The following CNTNAP3B variants were observed in gnomAD, a reference collection of about 807,000 sequenced individuals.
The protein encoded by CNTNAP3B is contactin-associated protein-like 3B.
CNTNAP3B carries 25 observed loss-of-function variants against 108.9 expected under a neutral mutation model. The observed-to-expected ratio is 0.23, with a 90% CI of 0.17 to 0.32. The LOEUF (loss-of-function observed/expected upper bound fraction) is 0.32. Among genes scored for constraint, CNTNAP3B ranks in the 10% least tolerant of loss-of-function variants. The pLI, the probability that CNTNAP3B is intolerant of heterozygous loss-of-function variation, is 1.00. For synonymous variants in CNTNAP3B, 103 were observed against 473.4 expected (o/e 0.22, Z 10.16); for missense variants, 252 against 1,210.4 (o/e 0.21, Z 11.75).
intron 9 of CNTNAP3B, among the ~76,000 whole-genome samples, chr9:41,977,415 C>T (rs1045109467): frequency 3.6e-5 from 5 of 139,166 alleles, no homozygotes; most frequent in Non-Finnish European, 7.7e-5. Flanking sequence ...TAAAATGTGT[C>T]ATCTATAGCA....
At chr9:41,957,621 C>A (rs534516186) in intron 12 of CNTNAP3B, among the ~76,000 whole-genome samples, 1 of 150,000 alleles carries the variant, frequency 6.7e-6, no homozygotes, top group African/African-American at 2.5e-5. Context: ...TTGCTGCTTA[C>A]ATTGTTCATC....
chr9:42,024,659 C>A, intron 3 of CNTNAP3B, among the ~76,000 whole-genome samples: 2 of 109,464 alleles, frequency 1.8e-5, no homozygotes, highest in Non-Finnish European at 3.9e-5. Flanking sequence ...ATACATGGCT[C>A]CAGGGTTCAC....
At chr9:42,079,629 CT>C (rs1827569720) in intron 2 of CNTNAP3B, among the ~76,000 whole-genome samples, 1 of 135,028 alleles carries the variant, frequency 7.4e-6, no homozygotes, top group Non-Finnish European at 1.6e-5. Context: ...TCAAGCAATT[CT>C]CCTGCCTCAG....
At chr9:41,932,669 G>A (rs1306211643) in intron 14 of CNTNAP3B, among the ~76,000 whole-genome samples, 44 of 152,218 alleles carry the variant, frequency 2.9e-4, no homozygotes, top group Middle Eastern at 3.4e-3. Context: ...ACATGCGTGC[G>A]CCACTACGCT....
chr9:42,075,029 T>C (rs1437486958), intron 3 of CNTNAP3B, among the ~76,000 whole-genome samples: 3 of 146,184 alleles, frequency 2.1e-5, no homozygotes, highest in African/African-American at 5.3e-5. Context: ...GGATCTGTTC[T>C]ATGCCCATCT....
At chr9:41,934,433 G>C in intron 14 of CNTNAP3B, among the ~76,000 whole-genome samples, 1 of 152,264 alleles carries the variant, frequency 6.6e-6, no homozygotes. Flanking sequence ...GTGTTAGCCA[G>C]GATGGTCTCG....
At chr9:42,069,596 A>C (rs1010738120) in intron 3 of CNTNAP3B, among the ~76,000 whole-genome samples, 1 of 117,146 alleles carries the variant, frequency 8.5e-6, no homozygotes, top group African/African-American at 3.6e-5. Flanking sequence ...GCACAGATCC[A>C]TCTCAAACAA....
intron 3 of CNTNAP3B, among the ~76,000 whole-genome samples, chr9:42,042,055 G>T (rs1416530926): frequency 1.5e-5 from 2 of 136,906 alleles, no homozygotes; most frequent in African/African-American, 2.9e-5. Context: ...TTGGACACAG[G>T]ATGGGGAACA....
At chr9:42,120,091 A>C (rs1828425483) in intron 1 of CNTNAP3B, among the ~76,000 whole-genome samples, 1 of 150,834 alleles carries the variant, frequency 6.6e-6, no homozygotes, top group Admixed American at 6.6e-5. Context: ...CAAAGGGCTA[A>C]TATCCAGAAT....
At chr9:41,922,202 G>T (rs1040623363) in intron 17 of CNTNAP3B, among the ~76,000 whole-genome samples, 1 of 128,754 alleles carries the variant, frequency 7.8e-6, no homozygotes, top group African/African-American at 3.2e-5. Context: ...CCGGTGGCTC[G>T]CGCCTGTAAT....
chr9:41,933,615 G>A (rs1045973307), intron 14 of CNTNAP3B, among the ~76,000 whole-genome samples: 2 of 152,396 alleles, frequency 1.3e-5, no homozygotes, highest in South Asian at 2.1e-4. Context: ...AATACTGACT[G>A]ACCATAAATT....
chr9:41,923,654 C>A (rs1334753418), intron 16 of CNTNAP3B, among the ~76,000 whole-genome samples: 5 of 152,406 alleles, frequency 3.3e-5, no homozygotes, highest in Middle Eastern at 3.4e-3. Flanking sequence ...CCCAGCTACT[C>A]AGGAGACTGA....
At position 41,953,203 on chromosome 9, in the gene CNTNAP3B, G is replaced by C; in HGVS notation, c.2060C>G (p.Ala687Gly). The C allele has an allele frequency of 6.6e-7, 1 of 1,525,972 alleles. No individual in the cohort carries two copies. Among genetic ancestry groups the C allele is most frequent in the Non-Finnish European group, 8.7e-7 (1 of 1,146,232 alleles). The allele number at this position is 1,525,972 out of a possible 1,614,324, so 94.5% of individuals were successfully genotyped here. ...EQRLALRCGT[A>G]RRPDSRDGTP... ...CTTACCTCGTGAGTCCGGGCGCCGCGCTGTCCCGCAGCGCAGAGCCAGCCG... is the reference window on the plus strand; with the variant it reads ...CTTACCTCGTGAGTCCGGGCGCCGCCCTGTCCCGCAGCGCAGAGCCAGCCG... Residue 687 changes from alanine (A) to glycine (G), a missense_variant, in exon 13 of 24, where the codon GCG (alanine) becomes GGG (glycine). Ala to Gly is a moderately conservative substitution (Grantham distance 60). Coordinates refer to ENST00000377561, the MANE Select transcript of CNTNAP3B (RefSeq NM_001201380.3).
chr9:42,115,737 T>C (rs535921042), intron 1 of CNTNAP3B, among the ~76,000 whole-genome samples: 1,639 of 117,740 alleles, frequency 0.014, 268 homozygotes, highest in African/African-American at 0.056. Context: ...AGACCAAAGG[T>C]ACATAAAACC....
At chr9:41,943,852 C>G (rs1490436302) in intron 13 of CNTNAP3B, among the ~76,000 whole-genome samples, 10 of 152,286 alleles carry the variant, frequency 6.6e-5, no homozygotes, top group African/African-American at 2.4e-4. Flanking sequence ...AAAACCACAC[C>G]TAGGCATCTC....
At chr9:42,058,223 C>A (rs1280411703) in intron 3 of CNTNAP3B, among the ~76,000 whole-genome samples, 1 of 151,936 alleles carries the variant, frequency 6.6e-6, no homozygotes, top group Non-Finnish European at 1.5e-5. Flanking sequence ...CCTTTGGATA[C>A]ATACACAATA....
In CNTNAP3B at chr9:41,973,846, T is replaced by C; in HGVS notation, c.1478-3601A>G. On this transcript the variant is annotated intron_variant, in intron 9 of 23. Transcript: ENST00000377561. ...CTGCAAATTAGACTTTCTCTTTCTT[T>C]CTCTCTCTCTCTCTTTCTTGACAGA... is the stretch of plus-strand genomic sequence containing the variant. 1.5e-5 allele frequency among the ~76,000 whole-genome samples: 2 copies of C among 130,356 alleles called. 1 individual carries two copies. Among genetic ancestry groups the C allele is most frequent in the Non-Finnish European group, 3.2e-5 (2 of 61,802 alleles). 85.5% of individuals were successfully genotyped at this position (130,356 alleles called of 152,430 possible).
At chr9:41,939,599 C>A (rs1390696877) in intron 13 of CNTNAP3B, among the ~76,000 whole-genome samples, 3 of 152,270 alleles carry the variant, frequency 2.0e-5, no homozygotes, top group South Asian at 2.1e-4. Context: ...GTCACTACAA[C>A]GTAAAAGATA....
In CNTNAP3B at chr9:42,113,010, C is replaced by T. The variant is rs554896444; in HGVS notation, c.86-8271G>A. Among the ~76,000 whole-genome samples the T allele has an allele frequency of 2.0e-4, 27 of 133,324 alleles. 8 individuals are homozygous for T. Among genetic ancestry groups the T allele is most frequent in the Admixed American group, 3.0e-4 (4 of 13,292 alleles). The allele number at this position is 133,324 out of a possible 152,430, so 87.5% of individuals were successfully genotyped here. A position where few individuals can be genotyped will look rare whatever the true frequency, so the allele number is the denominator to read the frequency against. On this transcript the variant is annotated intron_variant, in intron 1 of 23. Transcript: ENST00000377561. ...GATCTCGTGATCCACCTGCCTCAAC[C>T]TCCCAAAGTGCTGGGATTACAGGCG... is the stretch of plus-strand genomic sequence containing the variant.
Sources: allele counts gnomAD v4.1 joint callset (sites outside exome capture counted in the v4.1 genomes callset), GRCh38; gene constraint gnomAD v4.1.1; transcripts MANE v1.5; gene names NCBI Gene and HGNC (gene_info 2026-07-23, HGNC 2026-07-21).